The following SMYD3 variants were observed in gnomAD, a reference collection of about 807,000 sequenced individuals.
SMYD3 encodes SET and MYND domain containing 3.
Under a neutral mutation model 57.7 loss-of-function variants are expected in SMYD3, and 36 were observed. That is an observed-to-expected ratio of 0.62 (90% CI 0.48 to 0.82). The LOEUF is 0.82. Ranked by LOEUF, SMYD3 falls within the 40% of genes least tolerant of loss-of-function variation. The pLI is 0.00. For missense variants in SMYD3, 515 were observed against 538.8 expected (o/e 0.96, Z 0.44); for synonymous variants, 211 against 195.0 (o/e 1.08, Z -0.68).
intron 10 of SMYD3, chr1:245,814,306 G>A (rs1173223365): frequency 4.2e-5 from 38 of 896,062 alleles, no homozygotes; most frequent in Non-Finnish European, 4.9e-5. Flanking sequence ...CCAAACCACT[G>A]TCTTCATAGG....
chr1:245,751,604 GAGAA>G (rs1359910262), intron 11 of SMYD3, among the ~76,000 whole-genome samples: 7 of 143,780 alleles, frequency 4.9e-5, no homozygotes, highest in Non-Finnish European at 1.1e-4. Context: ...AAGAGAGAGA[GAGAA>G]AGAGAGAGAG....
chr1:246,286,574 C>G, intron 5 of SMYD3, among the ~76,000 whole-genome samples: 1 of 152,106 alleles, frequency 6.6e-6, no homozygotes, highest in East Asian at 1.9e-4. Flanking sequence ...CCCTGAAGGT[C>G]TTTTTAAAAA....
chr1:246,164,600 A>G lies in SMYD3; in HGVS notation c.531+162601T>C, dbSNP rs117687328. Among the ~76,000 whole-genome samples, 17 of 152,272 alleles carry G rather than the reference A, an allele frequency of 1.1e-4. No individual in the cohort carries two copies. In the East Asian group the frequency reaches 3.1e-3, roughly 28 times the overall value. On this transcript the variant is annotated intron_variant, in intron 5 of 11. Transcript: ENST00000490107. ...ATGGACGGGGGCATGTGAGTAACCA[A>G]GGAAGCCAGGCCCAAAGAGAAACTT...
chr1:246,409,217 T>C (rs751609593), intron 1 of SMYD3, among the ~76,000 whole-genome samples: 1 of 152,224 alleles, frequency 6.6e-6, no homozygotes, highest in Non-Finnish European at 1.5e-5. Context: ...TTTGTTGCCA[T>C]TGTTTTTGGT....
At chr1:245,800,029 C>T (rs1393430287) in intron 10 of SMYD3, among the ~76,000 whole-genome samples, 1 of 152,242 alleles carries the variant, frequency 6.6e-6, no homozygotes, top group Non-Finnish European at 1.5e-5. Flanking sequence ...AACCGCTGTG[C>T]AGCCGTGGGC....
intron 1 of SMYD3, among the ~76,000 whole-genome samples, chr1:246,437,134 G>T (rs2067391892): frequency 6.6e-6 from 1 of 152,144 alleles, no homozygotes; most frequent in Admixed American, 6.5e-5. Context: ...CCTGACCTCG[G>T]GTGATCCACT....
At chr1:246,099,156 AT>A (rs1261919991) in intron 5 of SMYD3, among the ~76,000 whole-genome samples, 3 of 152,218 alleles carry the variant, frequency 2.0e-5, no homozygotes, top group African/African-American at 7.2e-5. Flanking sequence ...TGTCGGGCCT[AT>A]CGGGCAAGTT....
At chr1:245,794,571 T>C (rs1572353167) in intron 10 of SMYD3, among the ~76,000 whole-genome samples, 1 of 152,244 alleles carries the variant, frequency 6.6e-6, no homozygotes, top group African/African-American at 2.4e-5. Context: ...GTTCATGCCT[T>C]TTAAAAACTC....
chr1:246,223,200 C>T (rs2063282120), intron 5 of SMYD3, among the ~76,000 whole-genome samples: 1 of 152,062 alleles, frequency 6.6e-6, no homozygotes, highest in South Asian at 2.1e-4. Context: ...GAAAAGTGGT[C>T]ATAAGGAAGC....
intron 1 of SMYD3, among the ~76,000 whole-genome samples, chr1:246,417,881 T>G (rs1248845137): frequency 6.6e-6 from 1 of 152,242 alleles, no homozygotes; most frequent in Non-Finnish European, 1.5e-5. Flanking sequence ...TTATCATCCT[T>G]GCTTTAAAGT....
chr1:245,929,000 T>C (rs2056559976), intron 6 of SMYD3, among the ~76,000 whole-genome samples: 1 of 152,226 alleles, frequency 6.6e-6, no homozygotes, highest in Admixed American at 6.5e-5. Context: ...AAACACTTTC[T>C]TGCACTTGAG....
At position 245,786,218 on chromosome 1, in the gene SMYD3, G is replaced by GGGT. The variant is rs1553321388; in HGVS notation, c.1077-22070_1077-22069insACC. On this transcript the variant is annotated intron_variant, in intron 10 of 11. Coordinates refer to ENST00000490107, the MANE Select transcript of SMYD3 (RefSeq NM_001167740.2). ...GAGTTGAGTTGGGGTGTGGACGGGG[G>GGGT]GGGGATGGTGGCAACAGAATATTAA... Among the ~76,000 whole-genome samples, 3 of 147,576 alleles carry GGGT rather than the reference G, an allele frequency of 2.0e-5. 1 individual carries two copies. Among genetic ancestry groups the GGGT allele is most frequent in the African/African-American group, 5.1e-5 (2 of 39,502 alleles).
chr1:246,326,457 C>T (rs1348635502), intron 5 of SMYD3: 5 of 638,098 alleles, frequency 7.8e-6, no homozygotes, highest in South Asian at 1.8e-5. Context: ...GATAAACCCT[C>T]GGAATCATTT....
At chr1:245,932,604 G>C (rs960058671) in intron 5 of SMYD3, among the ~76,000 whole-genome samples, 3 of 152,138 alleles carry the variant, frequency 2.0e-5, no homozygotes, top group African/African-American at 7.2e-5. Flanking sequence ...CTGTCACCCA[G>C]GCTGGAGTGC....
intron 5 of SMYD3, among the ~76,000 whole-genome samples, chr1:245,998,488 G>C (rs2058974106): frequency 6.6e-6 from 1 of 152,132 alleles, no homozygotes; most frequent in Non-Finnish European, 1.5e-5. Flanking sequence ...CATCCCATTA[G>C]GAGGGCTATT....
At chr1:246,237,421 T>A (rs2063530169) in intron 5 of SMYD3, among the ~76,000 whole-genome samples, 1 of 152,208 alleles carries the variant, frequency 6.6e-6, no homozygotes, top group African/African-American at 2.4e-5. Context: ...TCTATTACTG[T>A]TATTACTAGA....
At chr1:246,199,605 G>A (rs1291080960) in intron 5 of SMYD3, among the ~76,000 whole-genome samples, 11 of 152,200 alleles carry the variant, frequency 7.2e-5, no homozygotes, top group African/African-American at 1.7e-4. Context: ...TCAGGACAAC[G>A]TTTGACACAT....
chr1:246,282,642 T>A (rs367997390), intron 5 of SMYD3, among the ~76,000 whole-genome samples: 3 of 152,150 alleles, frequency 2.0e-5, no homozygotes, highest in African/African-American at 7.2e-5. Flanking sequence ...CAGATGAAGA[T>A]AAATGAAGCA....
chr1:246,470,453 C>A (rs57644051), intron 1 of SMYD3, among the ~76,000 whole-genome samples: 13,491 of 150,390 alleles, frequency 0.09, 1,979 homozygotes, highest in African/African-American at 0.31. Flanking sequence ...CAAGATCACA[C>A]CACTGCATTC....
Sources: gnomAD v4.1 joint callset for allele counts (sites outside exome capture counted in the v4.1 genomes callset) on GRCh38, gnomAD v4.1.1 for gene constraint, MANE v1.5 for transcripts, NCBI Gene and HGNC (gene_info 2026-07-23, HGNC 2026-07-21) for gene names.